The following MECOM variants were observed in gnomAD, a reference collection of about 807,000 sequenced individuals.
MECOM encodes histone-lysine N-methyltransferase MECOM.
A neutral mutation model predicts 116.3 loss-of-function variants in MECOM; 13 were observed. The observed-to-expected ratio is 0.11, with a 90% CI of 0.07 to 0.18. The LOEUF (loss-of-function observed/expected upper bound fraction) is 0.18. Ranked by LOEUF, MECOM falls within the 10% of genes least tolerant of loss-of-function variation. The pLI, the probability that MECOM is intolerant of heterozygous loss-of-function variation, is 1.00. For missense variants in MECOM, 1,299 were observed against 1,509.0 expected (o/e 0.86, Z 2.31); for synonymous variants, 528 against 535.2 (o/e 0.99, Z 0.19).
intron 1 of MECOM, among the ~76,000 whole-genome samples, chr3:169,414,602 T>C (rs1390692793): frequency 7.9e-5 from 12 of 152,144 alleles, no homozygotes; most frequent in Admixed American, 7.2e-4. Context: ...TAAAGGAACA[T>C]GTTCTAACTC....
intron 1 of MECOM, among the ~76,000 whole-genome samples, chr3:169,441,752 G>C (rs760720560): frequency 1.9e-5 from 2 of 103,394 alleles, no homozygotes; most frequent in East Asian, 3.4e-4. Context: ...TTTAAAAAAG[G>C]GGGGGTCTTG....
intron 2 of MECOM, among the ~76,000 whole-genome samples, chr3:169,269,689 C>T (rs1424213865): frequency 1.3e-5 from 2 of 152,180 alleles, no homozygotes; most frequent in South Asian, 2.1e-4. Flanking sequence ...CACTAAACCT[C>T]ACTTAATGCT....
chr3:169,517,109 A>T (rs778864838), intron 1 of MECOM, among the ~76,000 whole-genome samples: 2 of 152,174 alleles, frequency 1.3e-5, no homozygotes, highest in Non-Finnish European at 2.9e-5. Flanking sequence ...TCCATGGATC[A>T]TACAACAACA....
intron 2 of MECOM, among the ~76,000 whole-genome samples, chr3:169,243,531 C>T (rs1193153716): frequency 5.3e-5 from 8 of 151,852 alleles, no homozygotes; most frequent in Admixed American, 4.6e-4. Context: ...ATAAGAAAAA[C>T]GACAATATTG....
intron 14 of MECOM, among the ~76,000 whole-genome samples, chr3:169,091,444 A>G (rs1343360654): frequency 6.6e-6 from 1 of 152,120 alleles, no homozygotes; most frequent in Non-Finnish European, 1.5e-5. Context: ...CAAATCGCCA[A>G]TTAAAGGCTA....
chr3:169,480,443 C>A (rs1751115014), intron 1 of MECOM, among the ~76,000 whole-genome samples: 1 of 152,180 alleles, frequency 6.6e-6, no homozygotes, highest in African/African-American at 2.4e-5. Context: ...TCTCAGTCCA[C>A]TGCTCCCCCA....
At chr3:169,547,020 T>G (rs1760799789) in intron 1 of MECOM, among the ~76,000 whole-genome samples, 2 of 152,222 alleles carry the variant, frequency 1.3e-5, no homozygotes, top group African/African-American at 4.8e-5. Context: ...AGACTCTGTA[T>G]TCTCAAAGAT....
intron 1 of MECOM, among the ~76,000 whole-genome samples, chr3:169,410,758 T>C: frequency 6.6e-6 from 1 of 152,076 alleles, no homozygotes; most frequent in East Asian, 1.9e-4. Flanking sequence ...CCTTTTCCTT[T>C]CATTCTGCTT....
chr3:169,099,302 G>A lies in MECOM; in HGVS notation c.2849+1583C>T, dbSNP rs542025251. On this transcript the variant is annotated intron_variant, in intron 12 of 16. Coordinates refer to ENST00000651503, the MANE Select transcript of MECOM (RefSeq NM_004991.4). ...AATGAACGTGATAACATAGTTTCCA[G>A]TACTCTTGCCATAACAAAACATGAG... is the stretch of plus-strand genomic sequence containing the variant. Among the ~76,000 whole-genome samples the A allele has an allele frequency of 2.0e-5, 3 of 152,216 alleles. No homozygotes were observed. In the South Asian group the frequency reaches 6.2e-4, roughly 31 times the overall value.
chr3:169,381,114 T>C, intron 2 of MECOM, 73 bp downstream of exon 2: 1 of 1,349,188 alleles, frequency 7.4e-7, no homozygotes, highest in Non-Finnish European at 1.0e-6. Context: ...TTGCTTATTT[T>C]GTGGATGCTT....
Position 169,203,817 on chromosome 3 carries a change from A to G in MECOM, c.376-59985T>C, listed in dbSNP as rs142206772. Among the ~76,000 whole-genome samples the G allele has an allele frequency of 2.6e-5, 4 of 152,270 alleles. No individual in the cohort carries two copies. The East Asian group carries it at 7.7e-4, about 29-fold the overall frequency. On this transcript the variant is annotated intron_variant, in intron 2 of 16. Coordinates refer to ENST00000651503, the MANE Select transcript of MECOM (RefSeq NM_004991.4). ...TTACTTGGGAGAATGAGCCTTGTCA[A>G]ATGGAAAGACTGAAATGAATACATT... is the stretch of plus-strand genomic sequence containing the variant.
chr3:169,575,856 G>C (rs941774067), intron 1 of MECOM, among the ~76,000 whole-genome samples: 2 of 151,694 alleles, frequency 1.3e-5, no homozygotes, highest in Non-Finnish European at 2.9e-5. Flanking sequence ...TCTCTGGACA[G>C]GTTCCCTTAA....
chr3:169,530,039 T>C, intron 1 of MECOM, among the ~76,000 whole-genome samples: 1 of 152,118 alleles, frequency 6.6e-6, no homozygotes, highest in East Asian at 1.9e-4. Flanking sequence ...AGAACAAACA[T>C]GGGGATTGCT....
chr3:169,537,803 A>G, intron 1 of MECOM, among the ~76,000 whole-genome samples: 1 of 152,180 alleles, frequency 6.6e-6, no homozygotes, highest in East Asian at 1.9e-4. Context: ...GTAAAAAAAT[A>G]AAACTTGAGT....
intron 2 of MECOM, among the ~76,000 whole-genome samples, chr3:169,196,218 T>C (rs1218100327): frequency 6.6e-6 from 1 of 151,974 alleles, no homozygotes; most frequent in African/African-American, 2.4e-5. Context: ...GAGATGGCAT[T>C]TTATATCTAT....
At chr3:169,097,380 C>T (rs766851735) in intron 12 of MECOM, among the ~76,000 whole-genome samples, 20 of 152,086 alleles carry the variant, frequency 1.3e-4, no homozygotes, top group Non-Finnish European at 1.9e-4. Flanking sequence ...CTTCCTTCTA[C>T]ACAATTCCAA....
At chr3:169,450,878 C>T (rs574917631) in intron 1 of MECOM, among the ~76,000 whole-genome samples, 11 of 152,272 alleles carry the variant, frequency 7.2e-5, no homozygotes, top group South Asian at 4.1e-4. Flanking sequence ...TTCACAAGTT[C>T]ATAATGGGAA....
intron 2 of MECOM, among the ~76,000 whole-genome samples, chr3:169,366,608 T>G (rs1026116299): frequency 1.3e-5 from 2 of 152,018 alleles, no homozygotes; most frequent in East Asian, 1.9e-4. Context: ...AAGAAATACC[T>G]TTTTTTGAGG....
chr3:169,155,600 G>A (rs1577202121), intron 2 of MECOM, among the ~76,000 whole-genome samples: 1 of 142,044 alleles, frequency 7.0e-6, no homozygotes, highest in African/African-American at 3.1e-5. Context: ...GCAAAAAACA[G>A]AAGAAAAACC....
Sources: gnomAD v4.1 joint callset for allele counts (sites outside exome capture counted in the v4.1 genomes callset) on GRCh38, gnomAD v4.1.1 for gene constraint, MANE v1.5 for transcripts, NCBI Gene and HGNC (gene_info 2026-07-23, HGNC 2026-07-21) for gene names.